Variants in PXDN observed in about 807,000 individuals in gnomAD.
The protein encoded by PXDN is peroxidasin homolog.
A neutral mutation model predicts 140.3 loss-of-function variants in PXDN; 77 were observed. The observed-to-expected ratio is 0.55, with a 90% CI of 0.46 to 0.66. PXDN has a LOEUF of 0.66. Ranked by LOEUF, PXDN falls within the 30% of genes least tolerant of loss-of-function variation. The probability of loss-of-function intolerance (pLI) is 0.00; values close to 1 mark genes in which losing one functional copy is unlikely to be tolerated. For missense variants in PXDN, 1,838 were observed against 2,039.5 expected (o/e 0.90, Z 1.90); for synonymous variants, 911 against 857.4 (o/e 1.06, Z -1.09).
intron 6 of PXDN, among the ~76,000 whole-genome samples, chr2:1,680,639 C>T (rs1044021685): frequency 2.0e-5 from 3 of 152,304 alleles, no homozygotes; most frequent in African/African-American, 7.2e-5. Context: ...GGCTTGTGCA[C>T]ACCCAGGCAT....
intron 3 of PXDN, among the ~76,000 whole-genome samples, chr2:1,689,077 C>T (rs547656690): frequency 6.6e-6 from 1 of 152,272 alleles, no homozygotes; most frequent in East Asian, 1.9e-4. Flanking sequence ...GTGCCCGCAG[C>T]AGAGGCCTGG....
chr2:1,661,090 G>A, intron 13 of PXDN, 53 bp from the exon 14 acceptor site: 2 of 1,602,356 alleles, frequency 1.2e-6, no homozygotes, highest in East Asian at 2.2e-5. Context: ...AGAAGCAGAA[G>A]TTATCTGACC....
Position 1,676,448 on chromosome 2 carries a change from T to G in PXDN, c.848+479A>C, listed in dbSNP as rs148606651. On this transcript the variant is annotated intron_variant, in intron 8 of 22. Coordinates refer to ENST00000252804, the MANE Select transcript of PXDN (RefSeq NM_012293.3). ...AGACAAGTTAGATCCACACGGGAGC[T>G]GAGCGAACCTGTGTCAGCAGCTGCA... 7.8e-5 allele frequency: 13 copies of G among 166,878 alleles called. No homozygotes were observed. The East Asian group carries it at 2.2e-3, about 28-fold the overall frequency. The allele number at this position is 166,878 out of a possible 1,614,324, so 10.3% of individuals were successfully genotyped here. A position where few individuals can be genotyped will look rare whatever the true frequency, so the allele number is the denominator to read the frequency against.
intron 1 of PXDN, among the ~76,000 whole-genome samples, chr2:1,722,837 C>G (rs1227720695): frequency 6.6e-6 from 1 of 152,246 alleles, no homozygotes; most frequent in Non-Finnish European, 1.5e-5. Flanking sequence ...CAGCCTGACC[C>G]CTTCTGGACC....
rs905778683 is a variant in PXDN, at chr2:1,729,314, G to C, written c.200+14942C>G. On this transcript the variant is annotated intron_variant, in intron 1 of 22. Transcript: ENST00000252804. ...CTGTATTTCCACCATCCCGGGGTCA[G>C]AGACGGTGCCTTCAGCCCCTGACCC... Among the ~76,000 whole-genome samples, 41 of 152,312 alleles carry C rather than the reference G, an allele frequency of 2.7e-4. 1 individual carries two copies. Among genetic ancestry groups the C allele is most frequent in the African/African-American group, 8.4e-4 (35 of 41,568 alleles).
intron 11 of PXDN, 131 bp from the exon 12 acceptor site, chr2:1,663,894 C>T: frequency 8.7e-7 from 1 of 1,147,266 alleles, no homozygotes; most frequent in Non-Finnish European, 1.2e-6. Context: ...CCTGGCCCTG[C>T]ATAAGCAAAT....
rs1682641598 is a variant in PXDN at position 1,638,907 on chromosome 2, G to A, written c.4145C>T (p.Thr1382Ile). The part of the protein sequence containing the change: ...AFSTRSDASG[T>I]NDFREFVLEM... ...CAGAACAAACTCTCTGAAGTCATTT[G>A]TCCCAGATGCATCTGAGCGTGTGCT... is the stretch of plus-strand genomic sequence containing the variant. The change falls in exon 21 of 23, where the codon ACA (threonine) becomes ATA (isoleucine). Residue 1382 changes from threonine (T) to isoleucine (I), a missense_variant. Transcript: ENST00000252804. 1 of 1,613,886 alleles carries A rather than the reference G, an allele frequency of 6.2e-7. No individual in the cohort carries two copies. Among genetic ancestry groups the A allele is most frequent in the Non-Finnish European group, 8.5e-7 (1 of 1,179,882 alleles).
chr2:1,712,703 G>C (rs1428029832), intron 1 of PXDN, among the ~76,000 whole-genome samples: 2 of 152,178 alleles, frequency 1.3e-5, no homozygotes, highest in African/African-American at 4.8e-5. Flanking sequence ...ACTTGGGCAG[G>C]GAAACCGTTA....
At chr2:1,665,139 A>C in intron 10 of PXDN, 65 bp from the exon 11 acceptor site, 2 of 1,202,478 alleles carry the variant, frequency 1.7e-6, no homozygotes, top group Non-Finnish European at 2.4e-6. Flanking sequence ...AACGCGACCA[A>C]GAAAATGACC....
intron 1 of PXDN, among the ~76,000 whole-genome samples, chr2:1,716,504 G>A (rs1008731869): frequency 1.0e-4 from 15 of 149,674 alleles, no homozygotes; most frequent in Admixed American, 6.0e-4. Flanking sequence ...TCCCAGGACT[G>A]CGGCAAGGAC....
intron 8 of PXDN, among the ~76,000 whole-genome samples, chr2:1,674,343 G>A (rs1683646844): frequency 6.6e-6 from 1 of 152,192 alleles, no homozygotes; most frequent in Non-Finnish European, 1.5e-5. Context: ...CGAAAGTGCT[G>A]GGATTGCAGG....
intron 14 of PXDN, among the ~76,000 whole-genome samples, chr2:1,655,944 C>G (rs1683124122): frequency 6.6e-6 from 1 of 151,758 alleles, no homozygotes; most frequent in South Asian, 2.1e-4. Context: ...CACACAAATA[C>G]AACACACCCA....
intron 1 of PXDN, among the ~76,000 whole-genome samples, chr2:1,736,843 T>C (rs1415212810): frequency 6.6e-6 from 1 of 152,216 alleles, no homozygotes; most frequent in African/African-American, 2.4e-5. Context: ...ATGTCAATTA[T>C]GTCTGATAAG....
chr2:1,665,301 G>A (rs1434209926), intron 10 of PXDN, among the ~76,000 whole-genome samples: 2 of 152,140 alleles, frequency 1.3e-5, no homozygotes, highest in Non-Finnish European at 2.9e-5. Context: ...CACAAAGACC[G>A]TTCAACCACA....
At chr2:1,720,691 C>CTCTCTGCCTCTCTT (rs1558526195) in intron 1 of PXDN, among the ~76,000 whole-genome samples, 1 of 49,214 alleles carries the variant, frequency 2.0e-5, no homozygotes, top group African/African-American at 9.5e-5. Flanking sequence ...CTCTTTCTCT[C>CTCTCTGCCTCTCTT]TCTCTCTGCA....
At chr2:1,716,154 T>A (rs1684888676) in intron 1 of PXDN, among the ~76,000 whole-genome samples, 1 of 151,884 alleles carries the variant, frequency 6.6e-6, no homozygotes, top group South Asian at 2.1e-4. Flanking sequence ...ACCAGGGTGG[T>A]GGGCCGGGCA....
At chr2:1,711,497 C>G (rs1287161946) in intron 1 of PXDN, among the ~76,000 whole-genome samples, 2 of 129,972 alleles carry the variant, frequency 1.5e-5, no homozygotes, top group Admixed American at 1.5e-4. Flanking sequence ...GCTCCACCAG[C>G]ACCCACTCTC....
In PXDN at chr2:1,654,526, C is replaced by T. The variant is rs750873687; in HGVS notation, c.1838-18G>A. ...GTCAGGAACTAGGAAAATACAAAGT[C>T]GCGTATTACCAGGAAAAATACTGCA... On this transcript the variant is annotated intron_variant, in intron 14 of 22. Transcript: ENST00000252804. 43 of 1,555,562 alleles carry T rather than the reference C, an allele frequency of 2.8e-5. No individual in the cohort carries two copies. The highest frequency in any genetic ancestry group is 1.7e-4 in the Middle Eastern group (1 of 5,982).
intron 14 of PXDN, among the ~76,000 whole-genome samples, chr2:1,656,126 CACAA>C (rs1405926123): frequency 1.3e-5 from 2 of 151,846 alleles, no homozygotes; most frequent in Non-Finnish European, 2.9e-5. Context: ...CCAAACACCA[CACAA>C]ACACACAACA....
Sources: gnomAD v4.1 joint callset for allele counts (sites outside exome capture counted in the v4.1 genomes callset) on GRCh38, gnomAD v4.1.1 for gene constraint, MANE v1.5 for transcripts, NCBI Gene and HGNC (gene_info 2026-07-23, HGNC 2026-07-21) for gene names.